The following HSF2BP variants were observed in gnomAD, a reference collection of about 807,000 sequenced individuals.
HSF2BP encodes heat shock transcription factor 2 binding protein.
A neutral mutation model predicts 35.0 loss-of-function variants in HSF2BP; 35 were observed. The observed-to-expected ratio is 1.00, with a 90% CI of 0.76 to 1.32. The LOEUF is 1.32. HSF2BP is among the 40% of genes most tolerant of loss of function. The pLI is 0.00. For synonymous variants in HSF2BP, 114 were observed against 117.4 expected (o/e 0.97, Z 0.18); for missense variants, 326 against 321.7 (o/e 1.01, Z -0.10).
intron 2 of HSF2BP, chr21:43,657,743 G>A: frequency 1.3e-6 from 1 of 757,890 alleles, no homozygotes; most frequent in South Asian, 5.9e-5. Context: ...GCCTTCGGAG[G>A]GGAACTGGGC....
At chr21:43,632,905 A>G (rs1262323512) in intron 5 of HSF2BP, among the ~76,000 whole-genome samples, 1 of 152,060 alleles carries the variant, frequency 6.6e-6, no homozygotes, top group Non-Finnish European at 1.5e-5. Context: ...GTATAAACAC[A>G]CACACACATC....
At chr21:43,614,268 C>T (rs1156278844) in intron 6 of HSF2BP, among the ~76,000 whole-genome samples, 2 of 150,014 alleles carry the variant, frequency 1.3e-5, no homozygotes, top group African/African-American at 4.9e-5. Context: ...GAGGTAGAGG[C>T]AGAAGGATTG....
Position 43,574,515 on chromosome 21 carries a change from G to A in HSF2BP, c.796+17710C>T, listed in dbSNP as rs372982728. Among the ~76,000 whole-genome samples, 6 of 152,092 alleles carry A rather than the reference G, an allele frequency of 3.9e-5. 1 individual carries two copies. In the Middle Eastern group the frequency reaches 0.01, roughly 259 times the overall value. Reference sequence around the variant, plus strand: ...TGGGACTACAGGCACCCGCCACCACGCCTAGCTAATTTTTTATATTTTTAG... The same window carrying A: ...TGGGACTACAGGCACCCGCCACCACACCTAGCTAATTTTTTATATTTTTAG... On this transcript the variant is annotated intron_variant, in intron 8 of 8. Transcript: ENST00000291560.
chr21:43,585,889 T>C lies in HSF2BP; in HGVS notation c.796+6336A>G, dbSNP rs117515057. ...AGATTAGGGGTTTAGTCTGAACACA[T>C]TGAATGTGAATGTTTATTAGATGTC... On this transcript the variant is annotated intron_variant, in intron 8 of 8. Coordinates refer to ENST00000291560, the MANE Select transcript of HSF2BP (RefSeq NM_007031.2). Among the ~76,000 whole-genome samples the C allele has an allele frequency of 1.0e-3, 152 of 152,254 alleles. No homozygotes were observed. In the East Asian group the frequency reaches 0.014, roughly 14 times the overall value.
At chr21:43,656,809 CT>C in intron 2 of HSF2BP, 72 bp from the exon 3 acceptor site, 1 of 1,352,798 alleles carries the variant, frequency 7.4e-7, no homozygotes, top group Non-Finnish European at 1.0e-6. Flanking sequence ...AGTTAACTTG[CT>C]TTTCTTTCAC....
In HSF2BP at chr21:43,619,933, A is replaced by T. The variant is rs1263947377; in HGVS notation, c.575-5986T>A. Among the ~76,000 whole-genome samples the T allele has an allele frequency of 2.6e-5, 4 of 152,288 alleles. No homozygotes were observed. The East Asian group carries it at 7.7e-4, about 29-fold the overall frequency. On this transcript the variant is annotated intron_variant, in intron 6 of 8. Transcript: ENST00000291560. ...ACAGACGCCTTGCCAGTATTCCCACACTGCCGGGTTATCCTCTTTGTGACC... is the reference window on the plus strand; with the variant it reads ...ACAGACGCCTTGCCAGTATTCCCACTCTGCCGGGTTATCCTCTTTGTGACC...
At chr21:43,657,278 T>C (rs1263561311) in intron 2 of HSF2BP, among the ~76,000 whole-genome samples, 1 of 152,158 alleles carries the variant, frequency 6.6e-6, no homozygotes, top group Non-Finnish European at 1.5e-5. Flanking sequence ...GAAGAAGGCT[T>C]GAGCTCAGGA....
intron 7 of HSF2BP, among the ~76,000 whole-genome samples, chr21:43,612,929 T>C (rs551475012): frequency 1.3e-5 from 2 of 152,194 alleles, no homozygotes; most frequent in Non-Finnish European, 2.9e-5. Flanking sequence ...TCTCTGGGAC[T>C]ATAAATTATC....
intron 6 of HSF2BP, among the ~76,000 whole-genome samples, chr21:43,620,916 C>T (rs1382051736): frequency 6.6e-6 from 1 of 152,026 alleles, no homozygotes; most frequent in African/African-American, 2.4e-5. Flanking sequence ...GAATGAAGAT[C>T]ACCTACAAGA....
intron 7 of HSF2BP, among the ~76,000 whole-genome samples, chr21:43,605,921 A>G (rs934476504): frequency 6.6e-6 from 1 of 152,162 alleles, no homozygotes; most frequent in Non-Finnish European, 1.5e-5. Context: ...CACCACACAC[A>G]CACATCCAGG....
At chr21:43,642,683 C>G (rs2082653272) in intron 4 of HSF2BP, among the ~76,000 whole-genome samples, 1 of 152,078 alleles carries the variant, frequency 6.6e-6, no homozygotes, top group African/African-American at 2.4e-5. Context: ...GTAAAATATT[C>G]CCACATTTTA....
At chr21:43,501,303 C>T in the HSF2BP span, among the ~76,000 whole-genome samples, 2 of 123,228 alleles carry the variant, frequency 1.6e-5, no homozygotes, top group Admixed American at 7.6e-5. Context: ...AATCCCCTGC[C>T]GTCCTGCTCT....
chr21:43,618,374 C>CA (rs1043838649), intron 6 of HSF2BP, among the ~76,000 whole-genome samples: 3 of 151,448 alleles, frequency 2.0e-5, no homozygotes, highest in East Asian at 3.9e-4. Context: ...TTATTTTGAG[C>CA]AAAAAAAGTA....
chr21:43,506,821 A>G, the HSF2BP span, among the ~76,000 whole-genome samples: 2 of 110,722 alleles, frequency 1.8e-5, no homozygotes, highest in East Asian at 4.7e-4. Context: ...GCACACAGAC[A>G]TGGCCATTCA....
intron 6 of HSF2BP, among the ~76,000 whole-genome samples, chr21:43,622,043 G>A (rs780612544): frequency 3.9e-5 from 6 of 152,032 alleles, no homozygotes; most frequent in Non-Finnish European, 5.9e-5. Context: ...AAGTATAGGG[G>A]TATTTTTAGT....
chr21:43,627,722 T>C (rs1218063613), intron 6 of HSF2BP, among the ~76,000 whole-genome samples: 2 of 152,238 alleles, frequency 1.3e-5, no homozygotes, highest in Non-Finnish European at 2.9e-5. Flanking sequence ...CAGGCACATT[T>C]CGTTTTATTG....
chr21:43,628,665 T>C (rs1286553367), intron 6 of HSF2BP, among the ~76,000 whole-genome samples: 1 of 152,218 alleles, frequency 6.6e-6, no homozygotes, highest in Non-Finnish European at 1.5e-5. Flanking sequence ...CAAGAGATTT[T>C]CAATGTAGAC....
At chr21:43,645,425 C>G (rs1039332961) in intron 3 of HSF2BP, among the ~76,000 whole-genome samples, 7 of 152,182 alleles carry the variant, frequency 4.6e-5, no homozygotes, top group African/African-American at 1.7e-4. Flanking sequence ...AACCTGGTCT[C>G]TCATCACCAA....
At position 43,630,381 on chromosome 21, in the gene HSF2BP, A is replaced by C. The variant is rs1432013181; in HGVS notation, c.515T>G (p.Val172Gly). The C allele has an allele frequency of 8.7e-6, 14 of 1,613,518 alleles. No individual in the cohort carries two copies. The highest frequency in any genetic ancestry group is 1.2e-5 in the Non-Finnish European group (14 of 1,179,884). Reference sequence around the variant, plus strand: ...ACTTTCATCCGAATCCAGCTCCTGGACATCACCGTCTAACGACTTCACAAA... The same window carrying C: ...ACTTTCATCCGAATCCAGCTCCTGGCCATCACCGTCTAACGACTTCACAAA... ...ESFVKSLDGD[V>G]QELDSDESQF... The change falls in exon 6 of 9, where the codon GTC becomes GGC. Residue 172 changes from valine (V) to glycine (G), a missense_variant. Physicochemically the swap from Val to Gly is moderately radical, Grantham distance 109. Coordinates refer to ENST00000291560, the MANE Select transcript of HSF2BP (RefSeq NM_007031.2).
Sources: gnomAD v4.1 joint callset for allele counts (sites outside exome capture counted in the v4.1 genomes callset) on GRCh38, gnomAD v4.1.1 for gene constraint, MANE v1.5 for transcripts, NCBI Gene and HGNC (gene_info 2026-07-23, HGNC 2026-07-21) for gene names.